CAPN13: variants seen among roughly 807,000 people sequenced by gnomAD.
CAPN13 encodes the protein calpain 13, also known as calpain-13.
In CAPN13, 90 loss-of-function variants were observed where a neutral mutation model predicts 98.4. That is an observed-to-expected ratio of 0.92 (90% CI 0.77 to 1.09). The LOEUF (loss-of-function observed/expected upper bound fraction) is 1.09, where lower values mean the gene tolerates loss of function less well. CAPN13 is among the 50% of genes least tolerant of loss of function. The pLI, the probability that CAPN13 is intolerant of heterozygous loss-of-function variation, is 0.00. For synonymous variants in CAPN13, 330 were observed against 305.5 expected, an observed-to-expected ratio of 1.08 and a Z score of -0.84; for missense variants, 887 against 841.3, an observed-to-expected ratio of 1.05 and a Z score of -0.67.
rs775303201 is a variant in CAPN13 at position 30,799,556 on chromosome 2, A to G, written c.-33+7746T>C. Among the ~76,000 whole-genome samples, 172 of 151,816 alleles carry G rather than the reference A, an allele frequency of 1.1e-3. 1 individual carries two copies. The highest frequency in any genetic ancestry group is 1.5e-3 in the Non-Finnish European group (104 of 67,884). ...GAAGTTTAGGCAGCGCTTGGGCTTG[A>G]CTCCTGTCCTGCCCCCAGCTTCAAA... On this transcript the variant is annotated intron_variant, in intron 1 of 22. Transcript: ENST00000295055.
intron 13 of CAPN13, 30 bp from the exon 14 acceptor site, chr2:30,742,389 A>T (rs1359233836): frequency 6.3e-7 from 1 of 1,596,958 alleles, no homozygotes; most frequent in Non-Finnish European, 8.5e-7. Flanking sequence ...TGTGACAAAG[A>T]TGACCAGCTC....
chr2:30,804,709 C>T (rs1014960047), intron 1 of CAPN13, among the ~76,000 whole-genome samples: 34 of 152,116 alleles, frequency 2.2e-4, no homozygotes, highest in Admixed American at 9.2e-4. Flanking sequence ...GATTCTGCTC[C>T]CATCTTTTGC....
chr2:30,764,007 C>T (rs1446845127), intron 6 of CAPN13, 125 bp downstream of exon 6: 2 of 935,840 alleles, frequency 2.1e-6, no homozygotes, highest in African/African-American at 3.3e-5. Flanking sequence ...CCGGGTAAAG[C>T]ACGCTATCAG....
rs758392112 is a variant in CAPN13, at chr2:30,736,561, T to C, written c.1664A>G (p.Asn555Ser). Residue 555 changes from asparagine (N) to serine (S), a missense_variant, in exon 18 of 23, where the codon AAT becomes AGT. Asn to Ser is a conservative substitution (Grantham distance 46). Coordinates refer to ENST00000295055, the MANE Select transcript of CAPN13 (RefSeq NM_144575.3). ...AAACTCCTCTTGGTCTAGCCGCCCA[T>C]TCACTTTCAGCTGGGTAAGGAGTTA... ...SLVALMELKVNGRLDQEEFAR... is the reference protein window; with the variant it reads ...SLVALMELKVSGRLDQEEFAR... 20 of 1,613,956 alleles carry C rather than the reference T, an allele frequency of 1.2e-5. No individual in the cohort carries two copies. Among genetic ancestry groups the C allele is most frequent in the South Asian group, 2.2e-5 (2 of 91,076 alleles).
chr2:30,729,343 A>C (rs138299495), intron 22 of CAPN13, among the ~76,000 whole-genome samples: 4 of 152,332 alleles, frequency 2.6e-5, no homozygotes, highest in Non-Finnish European at 5.9e-5. Flanking sequence ...CAATGCCTCT[A>C]ATATTATCCT....
At chr2:30,800,040 C>T (rs551936742) in intron 1 of CAPN13, among the ~76,000 whole-genome samples, 2 of 151,092 alleles carry the variant, frequency 1.3e-5, no homozygotes, top group South Asian at 2.1e-4. Context: ...CGCCATTGCA[C>T]TCCAGCCTGG....
intron 1 of CAPN13, among the ~76,000 whole-genome samples, chr2:30,805,683 C>T (rs927887740): frequency 6.6e-6 from 1 of 150,890 alleles, no homozygotes; most frequent in South Asian, 2.1e-4. Context: ...TCACACAGCT[C>T]ACCATATGGA....
chr2:30,769,712 C>A (rs1020169058), intron 5 of CAPN13, among the ~76,000 whole-genome samples: 2 of 152,194 alleles, frequency 1.3e-5, no homozygotes, highest in African/African-American at 2.4e-5. Flanking sequence ...TTGTCAGCAC[C>A]TAAAGGCAGT....
intron 1 of CAPN13, among the ~76,000 whole-genome samples, chr2:30,793,214 T>C (rs181594658): frequency 8.8e-4 from 133 of 151,928 alleles, no homozygotes; most frequent in Non-Finnish European, 1.1e-3. Context: ...TTTGGTATTT[T>C]GATGGTAGGA....
chr2:30,786,083 C>G (rs553731053), intron 2 of CAPN13, among the ~76,000 whole-genome samples: 1 of 152,276 alleles, frequency 6.6e-6, no homozygotes, highest in South Asian at 2.1e-4. Flanking sequence ...TTCCCATGTG[C>G]AGAACTGAAT....
At position 30,738,002 on chromosome 2, in the gene CAPN13, CA is replaced by C. The variant is rs1558612905; in HGVS notation, c.1653+232del. ...ACACACACACACACACACACACACA[CA>C]CACCCCAGTACACTGATCAGCACAT... is the stretch of plus-strand genomic sequence containing the variant. On this transcript the variant is annotated intron_variant, in intron 17 of 22. Transcript: ENST00000295055. The C allele has an allele frequency of 3.1e-4, 167 of 545,852 alleles. No individual in the cohort carries two copies. In the East Asian group the frequency reaches 4.5e-3, roughly 15 times the overall value. 33.8% of individuals were successfully genotyped at this position (545,852 alleles called of 1,614,324 possible).
intron 10 of CAPN13, among the ~76,000 whole-genome samples, chr2:30,752,664 G>C (rs1395262429): frequency 6.6e-6 from 1 of 152,208 alleles, no homozygotes; most frequent in Admixed American, 6.5e-5. Flanking sequence ...AGCATCACAA[G>C]GCCAGTATGT....
chr2:30,751,313 A>G (rs1572815595), intron 10 of CAPN13, 62 bp from the exon 11 acceptor site: 1 of 1,579,276 alleles, frequency 6.3e-7, no homozygotes, highest in East Asian at 2.2e-5. Flanking sequence ...GGGCAGGGCC[A>G]TGTCCAGTGC....
intron 3 of CAPN13, among the ~76,000 whole-genome samples, chr2:30,776,529 CCAGAGGTGCT>C (rs1673703053): frequency 6.6e-6 from 1 of 152,136 alleles, no homozygotes; most frequent in African/African-American, 2.4e-5. Context: ...TCTCTTTTTG[CCAGAGGTGCT>C]CAGTTACAGC....
intron 1 of CAPN13, 36 bp from the exon 2 acceptor site, chr2:30,787,393 C>A: frequency 6.8e-7 from 1 of 1,464,534 alleles, no homozygotes. Flanking sequence ...TTGGGGTAAG[C>A]CATCAAGTCC....
chr2:30,794,451 A>T (rs1674754631), intron 1 of CAPN13, among the ~76,000 whole-genome samples: 1 of 151,958 alleles, frequency 6.6e-6, no homozygotes, highest in African/African-American at 2.4e-5. Flanking sequence ...CTCAGTAGAT[A>T]TGTAAATTGG....
At chr2:30,731,057 G>A (rs1271579117) in intron 21 of CAPN13, among the ~76,000 whole-genome samples, 3 of 152,192 alleles carry the variant, frequency 2.0e-5, no homozygotes, top group Non-Finnish European at 4.4e-5. Context: ...TAAGTTTAAT[G>A]TACAGTGAGC....
At position 30,766,294 on chromosome 2, in the gene CAPN13, A is replaced by G. The variant is rs1021895194; in HGVS notation, c.525-1988T>C. The stretch of plus-strand genomic sequence containing the variant: ...CTGTGGGCCCCACCTGACGTCCTGC[A>G]CCCACAGCATCCGGCAGTCACCTCG... On this transcript the variant is annotated intron_variant, in intron 5 of 22. Coordinates refer to ENST00000295055, the MANE Select transcript of CAPN13 (RefSeq NM_144575.3). Among the ~76,000 whole-genome samples the G allele has an allele frequency of 4.6e-5, 7 of 152,280 alleles. No homozygotes were observed. The South Asian group carries it at 1.2e-3, about 27-fold the overall frequency.
At chr2:30,759,031 CCT>C (rs1672654513) in intron 7 of CAPN13, among the ~76,000 whole-genome samples, 3 of 41,962 alleles carry the variant, frequency 7.1e-5, no homozygotes, top group African/African-American at 2.2e-4. Flanking sequence ...TTCTTCCTTC[CCT>C]CCCTCCCTCC....
Sources: gnomAD v4.1 joint callset for allele counts (sites outside exome capture counted in the v4.1 genomes callset) on GRCh38, gnomAD v4.1.1 for gene constraint, MANE v1.5 for transcripts, NCBI Gene and HGNC (gene_info 2026-07-23, HGNC 2026-07-21) for gene names.